The following DCC variants were observed in gnomAD, a reference collection of about 807,000 sequenced individuals.
The protein encoded by DCC is netrin receptor DCC.
A neutral mutation model predicts 172.5 loss-of-function variants in DCC; 58 were observed. That is an observed-to-expected ratio of 0.34 (90% CI 0.27 to 0.42). DCC has a LOEUF of 0.42. Ranked by LOEUF, DCC falls within the 10% of genes least tolerant of loss-of-function variation. The probability of loss-of-function intolerance (pLI) is 1.00; values close to 1 mark genes in which losing one functional copy is unlikely to be tolerated. For synonymous variants in DCC, 709 were observed against 644.5 expected, an observed-to-expected ratio of 1.10 and a Z score of -1.52; for missense variants, 1,740 against 1,791.0, an observed-to-expected ratio of 0.97 and a Z score of 0.51.
intron 2 of DCC, among the ~76,000 whole-genome samples, chr18:52,791,340 G>A (rs2037764491): frequency 6.6e-6 from 1 of 152,138 alleles, no homozygotes. Context: ...CCAGGGGAGT[G>A]CATGCTGAAG....
At chr18:52,944,328 G>A (rs897146425) in intron 5 of DCC, among the ~76,000 whole-genome samples, 3 of 152,128 alleles carry the variant, frequency 2.0e-5, no homozygotes, top group Admixed American at 1.3e-4. Flanking sequence ...ATGATACTTC[G>A]AATTCCAGAG....
At chr18:52,378,350 G>C (rs925127964) in intron 1 of DCC, among the ~76,000 whole-genome samples, 2 of 151,716 alleles carry the variant, frequency 1.3e-5, no homozygotes, top group East Asian at 3.9e-4. Context: ...GAAGATTTGG[G>C]AAAATGACAT....
chr18:53,115,660 C>T (rs1568313645), intron 7 of DCC, among the ~76,000 whole-genome samples: 1 of 151,556 alleles, frequency 6.6e-6, no homozygotes, highest in Non-Finnish European at 1.5e-5. Context: ...GTTTACCTAA[C>T]TGTTTTGTAC....
chr18:52,768,282 T>C (rs1458678970), intron 2 of DCC, among the ~76,000 whole-genome samples: 1 of 152,208 alleles, frequency 6.6e-6, no homozygotes, highest in Non-Finnish European at 1.5e-5. Flanking sequence ...TACGAGTTTA[T>C]CCATTTCTCA....
chr18:52,634,878 TACCA>T (rs1235078860), intron 1 of DCC, among the ~76,000 whole-genome samples: 1 of 152,180 alleles, frequency 6.6e-6, no homozygotes, highest in Non-Finnish European at 1.5e-5. Context: ...AGGGAAACTA[TACCA>T]TAGTAAAATT....
intron 7 of DCC, among the ~76,000 whole-genome samples, chr18:53,152,818 T>C (rs538553341): frequency 6.6e-6 from 1 of 152,242 alleles, no homozygotes; most frequent in Admixed American, 6.5e-5. Flanking sequence ...CAAAATTAAT[T>C]CCCCTGTATA....
Position 53,531,448 on chromosome 18 carries a change from A to G in DCC, c.*795A>G, listed in dbSNP as rs146904924. 706 of 153,338 alleles carry G rather than the reference A, an allele frequency of 4.6e-3. 11 individuals carry two copies. The highest frequency in any genetic ancestry group is 0.014 in the Middle Eastern group (4 of 294). The allele number at this position is 153,338 out of a possible 1,614,324, so 9.5% of individuals were successfully genotyped here. A position where few individuals can be genotyped will look rare whatever the true frequency, so the allele number is the denominator to read the frequency against. ...GTAATTATATGCTTAAGCTTGTAAT[A>G]GGACAGTTTTCAATTTGGGTGGCTT... On this transcript the variant is annotated 3_prime_UTR_variant, in exon 29 of 29. Transcript: ENST00000442544.
intron 2 of DCC, among the ~76,000 whole-genome samples, chr18:52,797,041 A>AAAG (rs141032232): frequency 0.043 from 6,495 of 151,934 alleles, 219 homozygotes; most frequent in South Asian, 0.16. Flanking sequence ...CATTATTAGA[A>AAAG]AAATTATTTT....
chr18:53,327,045 C>A (rs1355466556), intron 14 of DCC, among the ~76,000 whole-genome samples: 1 of 152,142 alleles, frequency 6.6e-6, no homozygotes, highest in African/African-American at 2.4e-5. Flanking sequence ...GTGCTATTTG[C>A]AGATTGTTAA....
chr18:52,943,144 A>AG (rs569760935), intron 5 of DCC, among the ~76,000 whole-genome samples: 421 of 152,306 alleles, frequency 2.8e-3, no homozygotes, highest in Non-Finnish European at 4.5e-3. Context: ...GCAACTCAGA[A>AG]GATAGAAGCA....
intron 27 of DCC, among the ~76,000 whole-genome samples, chr18:53,523,789 G>A (rs1002621323): frequency 1.3e-5 from 2 of 151,972 alleles, no homozygotes; most frequent in African/African-American, 2.4e-5. Flanking sequence ...GATAGCATTA[G>A]GACAACTAAT....
intron 9 of DCC, among the ~76,000 whole-genome samples, chr18:53,188,718 C>A (rs137869635): frequency 6.6e-6 from 1 of 152,020 alleles, no homozygotes; most frequent in East Asian, 1.9e-4. Flanking sequence ...CCTAGAAGTC[C>A]GAAATCGAGG....
chr18:53,118,749 C>A (rs76757971), intron 7 of DCC, among the ~76,000 whole-genome samples: 22 of 151,826 alleles, frequency 1.4e-4, no homozygotes, highest in Non-Finnish European at 2.9e-4. Context: ...ATTATCCCTG[C>A]TTGTAGAGGT....
At chr18:53,350,075 GA>G (rs1213855597) in intron 15 of DCC, among the ~76,000 whole-genome samples, 10 of 151,354 alleles carry the variant, frequency 6.6e-5, no homozygotes, top group African/African-American at 1.2e-4. Context: ...ATGAGAATCA[GA>G]AAAAAAACAG....
At chr18:53,402,448 A>G (rs1909366357) in intron 18 of DCC, among the ~76,000 whole-genome samples, 1 of 152,016 alleles carries the variant, frequency 6.6e-6, no homozygotes, top group Non-Finnish European at 1.5e-5. Flanking sequence ...GTAATCATCA[A>G]TCTCACTAAG....
At chr18:53,257,069 T>G (rs2056526976) in intron 12 of DCC, among the ~76,000 whole-genome samples, 1 of 152,258 alleles carries the variant, frequency 6.6e-6, no homozygotes, top group Non-Finnish European at 1.5e-5. Context: ...TTTTGTATCC[T>G]GAGACTTTGC....
chr18:53,308,964 T>G (rs1158979264), intron 13 of DCC, among the ~76,000 whole-genome samples: 1 of 152,126 alleles, frequency 6.6e-6, no homozygotes, highest in African/African-American at 2.4e-5. Flanking sequence ...TTCCTTGGCT[T>G]GTAGATGCAT....
At chr18:52,991,049 C>G (rs2041381449) in intron 5 of DCC, among the ~76,000 whole-genome samples, 2 of 152,118 alleles carry the variant, frequency 1.3e-5, no homozygotes, top group Non-Finnish European at 2.9e-5. Flanking sequence ...ACAATTCAAG[C>G]CCAAGGATTT....
At chr18:52,570,157 C>T (rs2033259797) in intron 1 of DCC, among the ~76,000 whole-genome samples, 2 of 152,120 alleles carry the variant, frequency 1.3e-5, no homozygotes, top group African/African-American at 4.8e-5. Context: ...CTGCAAGCTG[C>T]CTAGAGCTAG....
Sources: allele counts gnomAD v4.1 joint callset (sites outside exome capture counted in the v4.1 genomes callset), GRCh38; gene constraint gnomAD v4.1.1; transcripts MANE v1.5; gene names NCBI Gene and HGNC (gene_info 2026-07-23, HGNC 2026-07-21).